Variants in DCC observed in about 807,000 individuals in gnomAD.
DCC encodes DCC netrin 1 receptor.
A neutral mutation model predicts 172.5 loss-of-function variants in DCC; 58 were observed. The observed-to-expected ratio is 0.34, with a 90% CI of 0.27 to 0.42. The LOEUF (loss-of-function observed/expected upper bound fraction) is 0.42. DCC is among the 10% of genes least tolerant of loss of function. The pLI is 1.00. For synonymous variants in DCC, 709 were observed against 644.5 expected, an observed-to-expected ratio of 1.10 and a Z score of -1.52; for missense variants, 1,740 against 1,791.0, an observed-to-expected ratio of 0.97 and a Z score of 0.51.
chr18:52,638,512 C>T (rs1432319741), intron 1 of DCC, among the ~76,000 whole-genome samples: 1 of 152,044 alleles, frequency 6.6e-6, no homozygotes, highest in Non-Finnish European at 1.5e-5. Context: ...TGCAAATGAA[C>T]ACCAAAAGCG....
intron 2 of DCC, among the ~76,000 whole-genome samples, chr18:52,819,854 G>T (rs1279613852): frequency 1.3e-5 from 2 of 151,968 alleles, no homozygotes; most frequent in Non-Finnish European, 2.9e-5. Context: ...GAGTAGCTGG[G>T]ACTACAGGTG....
chr18:52,544,218 A>C (rs2032547558), intron 1 of DCC, among the ~76,000 whole-genome samples: 1 of 152,158 alleles, frequency 6.6e-6, no homozygotes, highest in Non-Finnish European at 1.5e-5. Context: ...TTATTTTGCC[A>C]AGTCATTATT....
At chr18:52,510,521 C>G (rs2031399601) in intron 1 of DCC, among the ~76,000 whole-genome samples, 1 of 152,146 alleles carries the variant, frequency 6.6e-6, no homozygotes, top group Non-Finnish European at 1.5e-5. Context: ...CTTTAATGCT[C>G]TATTTTCCTG....
chr18:53,476,818 T>G (rs1323441977), intron 25 of DCC, among the ~76,000 whole-genome samples: 1 of 152,136 alleles, frequency 6.6e-6, no homozygotes, highest in Non-Finnish European at 1.5e-5. Context: ...GGAAAAACAT[T>G]GAGCACTGTA....
chr18:52,446,291 G>A (rs186814607), intron 1 of DCC, among the ~76,000 whole-genome samples: 11 of 152,088 alleles, frequency 7.2e-5, no homozygotes, highest in African/African-American at 1.9e-4. Context: ...TTTTAACCTC[G>A]ATTAATAAGG....
intron 1 of DCC, among the ~76,000 whole-genome samples, chr18:52,698,580 A>G (rs1395276126): frequency 1.3e-5 from 2 of 150,218 alleles, no homozygotes; most frequent in East Asian, 3.9e-4. Flanking sequence ...CAGAATATCA[A>G]CTCTGTTAAA....
intron 15 of DCC, among the ~76,000 whole-genome samples, chr18:53,382,824 G>A (rs1439899970): frequency 6.6e-6 from 1 of 152,062 alleles, no homozygotes; most frequent in Non-Finnish European, 1.5e-5. Context: ...TCTTCTTGCT[G>A]TATTATAGCT....
At chr18:53,128,828 CAT>C (rs1163310736) in intron 7 of DCC, among the ~76,000 whole-genome samples, 3,392 of 84,576 alleles carry the variant, frequency 0.04, 109 homozygotes, top group African/African-American at 0.12. Flanking sequence ...TGTGTATACA[CAT>C]ACACACACAC....
At chr18:52,551,132 G>A (rs957721656) in intron 1 of DCC, among the ~76,000 whole-genome samples, 1 of 151,866 alleles carries the variant, frequency 6.6e-6, no homozygotes, top group African/African-American at 2.4e-5. Flanking sequence ...CCAACAAGCA[G>A]AGAATGTGGT....
intron 1 of DCC, among the ~76,000 whole-genome samples, chr18:52,521,451 A>T (rs1257253439): frequency 6.6e-6 from 1 of 152,144 alleles, no homozygotes; most frequent in Admixed American, 6.5e-5. Context: ...AAGGTCTGGT[A>T]GGGTTCAGTT....
intron 2 of DCC, among the ~76,000 whole-genome samples, chr18:52,752,911 G>A (rs1056240154): frequency 1.2e-4 from 18 of 151,968 alleles, no homozygotes; most frequent in African/African-American, 4.3e-4. Flanking sequence ...GTTCATCTAT[G>A]TTATCACAAA....
chr18:52,569,809 C>T (rs1012190875), intron 1 of DCC, among the ~76,000 whole-genome samples: 2 of 151,920 alleles, frequency 1.3e-5, no homozygotes, highest in Non-Finnish European at 2.9e-5. Context: ...GAAATGTGGG[C>T]TATGAAAAAT....
intron 1 of DCC, among the ~76,000 whole-genome samples, chr18:52,342,282 T>C (rs1312479007): frequency 4.3e-5 from 3 of 69,368 alleles, no homozygotes; most frequent in East Asian, 1.4e-3. Context: ...TGTGTGTGCG[T>C]GTGTGTGTGT....
At chr18:52,689,229 A>G (rs1196912414) in intron 1 of DCC, among the ~76,000 whole-genome samples, 1 of 152,174 alleles carries the variant, frequency 6.6e-6, no homozygotes, top group Non-Finnish European at 1.5e-5. Context: ...ACAACTTGAG[A>G]AAGAAGCAAG....
intron 7 of DCC, among the ~76,000 whole-genome samples, chr18:53,092,977 T>A (rs535143045): frequency 0.015 from 2,205 of 151,768 alleles, 47 homozygotes; most frequent in African/African-American, 0.05. Flanking sequence ...CATTACTATT[T>A]AAAAAAAAGT....
At chr18:52,460,895 C>T (rs1003555950) in intron 1 of DCC, among the ~76,000 whole-genome samples, 3 of 152,108 alleles carry the variant, frequency 2.0e-5, no homozygotes, top group African/African-American at 4.8e-5. Context: ...AGGCCTAGGA[C>T]ATGATGTACA....
chr18:53,096,332 G>A (rs1187731380), intron 7 of DCC, among the ~76,000 whole-genome samples: 1 of 152,108 alleles, frequency 6.6e-6, no homozygotes, highest in East Asian at 1.9e-4. Context: ...GTGAGGCCTT[G>A]TAGCTAAAAA....
At chr18:53,188,630 T>C (rs2055321577) in intron 9 of DCC, among the ~76,000 whole-genome samples, 1 of 152,222 alleles carries the variant, frequency 6.6e-6, no homozygotes, top group Non-Finnish European at 1.5e-5. Context: ...TTGCATTATT[T>C]ATCTAGGGCT....
At chr18:52,878,760 A>G (rs192045546) in intron 2 of DCC, among the ~76,000 whole-genome samples, 302 of 152,296 alleles carry the variant, frequency 2.0e-3, no homozygotes, top group African/African-American at 7.0e-3. Context: ...AGTTTCTGGC[A>G]CAGAGTAGGT....
Sources: gnomAD v4.1 joint callset for allele counts (sites outside exome capture counted in the v4.1 genomes callset) on GRCh38, gnomAD v4.1.1 for gene constraint, MANE v1.5 for transcripts, NCBI Gene and HGNC (gene_info 2026-07-23, HGNC 2026-07-21) for gene names.